PDCD10: variants seen among roughly 807,000 people sequenced by gnomAD.
PDCD10 encodes the protein programmed cell death 10, also known as programmed cell death protein 10.
In PDCD10, 4 loss-of-function variants were observed where a neutral mutation model predicts 29.2. That is an observed-to-expected ratio of 0.14 (90% CI 0.07 to 0.31). The LOEUF (loss-of-function observed/expected upper bound fraction) is 0.31. Among genes scored for constraint, PDCD10 ranks in the 10% least tolerant of loss-of-function variants. PDCD10 has a pLI of 1.00. For missense variants in PDCD10, 183 were observed against 257.9 expected, an observed-to-expected ratio of 0.71 and a Z score of 1.99; for synonymous variants, 70 against 82.2, an observed-to-expected ratio of 0.85 and a Z score of 0.80.
At chr3:167,698,293 T>C (rs1232677574) in intron 4 of PDCD10, among the ~76,000 whole-genome samples, 1 of 152,220 alleles carries the variant, frequency 6.6e-6, no homozygotes, top group Non-Finnish European at 1.5e-5. Context: ...AGATGATTAA[T>C]AACAATAAAC....
chr3:167,694,003 G>T (rs188632761), intron 6 of PDCD10, among the ~76,000 whole-genome samples: 12 of 152,192 alleles, frequency 7.9e-5, no homozygotes, highest in Admixed American at 5.9e-4. Flanking sequence ...TTGCCATTTA[G>T]TATGCTTTAT....
chr3:167,727,037 T>C (rs1177575694), intron 2 of PDCD10, among the ~76,000 whole-genome samples: 2 of 152,216 alleles, frequency 1.3e-5, no homozygotes, highest in Non-Finnish European at 2.9e-5. Context: ...TTAAAACTTT[T>C]TGCCAAACCA....
At chr3:167,716,225 A>C (rs2108472092) in intron 3 of PDCD10, among the ~76,000 whole-genome samples, 1 of 152,078 alleles carries the variant, frequency 6.6e-6, no homozygotes, top group East Asian at 1.9e-4. Flanking sequence ...AAAATAATTG[A>C]ACTCATGGAG....
chr3:167,733,865 C>A (rs1337342897), intron 2 of PDCD10, among the ~76,000 whole-genome samples: 1 of 152,102 alleles, frequency 6.6e-6, no homozygotes, highest in Non-Finnish European at 1.5e-5. Flanking sequence ...ATTTAATACA[C>A]CCCTAAAAAA....
intron 6 of PDCD10, among the ~76,000 whole-genome samples, chr3:167,693,071 T>C (rs554804491): frequency 6.6e-6 from 1 of 152,246 alleles, no homozygotes; most frequent in Non-Finnish European, 1.5e-5. Flanking sequence ...CTGGGTTGCA[T>C]ACCTATCACG....
intron 8 of PDCD10, among the ~76,000 whole-genome samples, chr3:167,685,132 C>T (rs1391018276): frequency 6.6e-6 from 1 of 152,052 alleles, no homozygotes; most frequent in African/African-American, 2.4e-5. Flanking sequence ...GGCCCAGGGA[C>T]TGGACCTGGT....
intron 4 of PDCD10, among the ~76,000 whole-genome samples, chr3:167,699,582 AG>A (rs1009587798): frequency 2.0e-5 from 3 of 152,216 alleles, no homozygotes; most frequent in Non-Finnish European, 2.9e-5. Context: ...TACAACTCTT[AG>A]GTTTTCCCTC....
At chr3:167,688,130 T>C (rs1191230944) in intron 6 of PDCD10, among the ~76,000 whole-genome samples, 1 of 152,242 alleles carries the variant, frequency 6.6e-6, no homozygotes, top group East Asian at 1.9e-4. Context: ...TATAATATTC[T>C]GCATTACATA....
chr3:167,687,348 T>A (rs1221725311), intron 7 of PDCD10, 32 bp from the exon 8 acceptor site: 5 of 1,249,498 alleles, frequency 4.0e-6, no homozygotes, highest in Non-Finnish European at 5.9e-6. Context: ...AGAAATAAAG[T>A]ACTAAATAAG....
Position 167,697,528 on chromosome 3 carries a change from A to G in PDCD10, c.151-402T>C, listed in dbSNP as rs143747253. On this transcript the variant is annotated intron_variant, in intron 4 of 8. Coordinates refer to ENST00000392750, the MANE Select transcript of PDCD10 (RefSeq NM_007217.4). Reference sequence around the variant, plus strand: ...AATACTGCAACTCAAGGATCAAGCAATAACTCATCTGACTAGTGTTTTGCA... The same window carrying G: ...AATACTGCAACTCAAGGATCAAGCAGTAACTCATCTGACTAGTGTTTTGCA... Among the ~76,000 whole-genome samples, 8 of 152,282 alleles carry G rather than the reference A, an allele frequency of 5.3e-5. No homozygotes were observed. The East Asian group carries it at 1.2e-3, about 22-fold the overall frequency.
chr3:167,724,887 TCCCCAAGAGTTGGTTAAC>T (rs1723933729), intron 2 of PDCD10, among the ~76,000 whole-genome samples: 5 of 152,210 alleles, frequency 3.3e-5, no homozygotes, highest in Admixed American at 2.6e-4. Flanking sequence ...AAGGAGGTCC[TCCCCAAGAGTTGGTTAAC>T]CCAGGATTTC....
At chr3:167,706,762 T>A (rs949757763) in intron 3 of PDCD10, among the ~76,000 whole-genome samples, 3 of 152,238 alleles carry the variant, frequency 2.0e-5, no homozygotes, top group African/African-American at 7.2e-5. Context: ...GATATATTCA[T>A]GGTGTCCAGG....
intron 4 of PDCD10, among the ~76,000 whole-genome samples, chr3:167,701,782 C>T (rs536866869): frequency 6.6e-6 from 1 of 152,148 alleles, no homozygotes; most frequent in South Asian, 2.1e-4. Flanking sequence ...ATAGAAAAAC[C>T]CATCGAGCCT....
intron 6 of PDCD10, among the ~76,000 whole-genome samples, chr3:167,691,138 A>C (rs1043984262): frequency 3.3e-5 from 5 of 152,232 alleles, no homozygotes; most frequent in Admixed American, 6.5e-5. Context: ...TTTCTATTTT[A>C]GTGCAATTTT....
At chr3:167,688,143 A>G (rs1719829816) in intron 6 of PDCD10, among the ~76,000 whole-genome samples, 1 of 152,120 alleles carries the variant, frequency 6.6e-6, no homozygotes. Flanking sequence ...ATTACATATA[A>G]CTCAATTCTG....
chr3:167,725,761 GTTTATATATATA>G lies in PDCD10; in HGVS notation c.-116-5500_-116-5489del, dbSNP rs1475656053. On this transcript the variant is annotated intron_variant, in intron 2 of 8. Transcript: ENST00000392750. ...GTATATAGCACTTTACCATTGTATC[GTTTATATATATA>G]TATATATATATATATATATATATAT... 1.5e-4 allele frequency among the ~76,000 whole-genome samples: 8 copies of G among 54,720 alleles called. No homozygotes were observed. The East Asian group carries it at 3.2e-3, about 22-fold the overall frequency. 35.9% of individuals were successfully genotyped at this position (54,720 alleles called of 152,430 possible).
chr3:167,709,176 G>C (rs1462898703), intron 3 of PDCD10, among the ~76,000 whole-genome samples: 1 of 151,686 alleles, frequency 6.6e-6, no homozygotes, highest in Non-Finnish European at 1.5e-5. Flanking sequence ...GGGAGGCGAA[G>C]CAAGATGGCC....
chr3:167,724,296 G>A (rs1304500431), intron 2 of PDCD10, among the ~76,000 whole-genome samples: 1 of 152,194 alleles, frequency 6.6e-6, no homozygotes, highest in Non-Finnish European at 1.5e-5. Flanking sequence ...TAGGCAGGCA[G>A]GTCTTTTTGT....
chr3:167,711,733 C>T (rs369516129), intron 3 of PDCD10, among the ~76,000 whole-genome samples: 77 of 151,960 alleles, frequency 5.1e-4, no homozygotes, highest in African/African-American at 1.6e-3. Context: ...AATCAACCCC[C>T]CAAAGGTCAA....
Sources: allele counts gnomAD v4.1 joint callset (sites outside exome capture counted in the v4.1 genomes callset), GRCh38; gene constraint gnomAD v4.1.1; transcripts MANE v1.5; gene names NCBI Gene and HGNC (gene_info 2026-07-23, HGNC 2026-07-21).